Variants in PDE11A observed in about 807,000 individuals in gnomAD.
The protein encoded by PDE11A is phosphodiesterase 11A, also known as dual 3',5'-cyclic-AMP and -GMP phosphodiesterase 11A.
In PDE11A, 100 loss-of-function variants were observed where a neutral mutation model predicts 100.5. The ratio of observed to expected loss-of-function variants is 1.00; its 90% CI spans 0.85 to 1.18. The LOEUF (loss-of-function observed/expected upper bound fraction) is 1.18, where lower values mean the gene tolerates loss of function less well. Ranked by LOEUF, PDE11A falls within the 50% of genes most tolerant of loss-of-function variation. The probability of loss-of-function intolerance (pLI) is 0.00; values close to 1 mark genes in which losing one functional copy is unlikely to be tolerated. For missense variants in PDE11A, 1,141 were observed against 1,152.6 expected, an observed-to-expected ratio of 0.99 and a Z score of 0.15; for synonymous variants, 381 against 420.8, an observed-to-expected ratio of 0.91 and a Z score of 1.16.
chr2:177,727,387 C>G (rs1283087191), intron 12 of PDE11A, among the ~76,000 whole-genome samples: 1 of 152,122 alleles, frequency 6.6e-6, no homozygotes, highest in Non-Finnish European at 1.5e-5. Context: ...CTGAGCATTT[C>G]TTTTGTAAAA....
At chr2:177,902,700 G>A (rs915242478) in intron 3 of PDE11A, among the ~76,000 whole-genome samples, 6 of 152,036 alleles carry the variant, frequency 3.9e-5, no homozygotes, top group African/African-American at 9.7e-5. Flanking sequence ...TTAATCTCCA[G>A]TCCTGACATC....
chr2:177,712,158 A>C (rs556413363), intron 12 of PDE11A, among the ~76,000 whole-genome samples: 17 of 152,312 alleles, frequency 1.1e-4, no homozygotes, highest in Admixed American at 5.9e-4. Context: ...GACTATCCAG[A>C]GACAGTGACA....
At chr2:178,011,794 T>G (rs1328982562) in intron 2 of PDE11A, 3 of 152,124 alleles carry the variant, frequency 2.0e-5, no homozygotes, top group Admixed American at 6.5e-5. Context: ...TGAGTAAGTG[T>G]TACTATCACC....
At chr2:177,822,492 C>T (rs547529841) in intron 6 of PDE11A, among the ~76,000 whole-genome samples, 1 of 152,114 alleles carries the variant, frequency 6.6e-6, no homozygotes, top group African/African-American at 2.4e-5. Flanking sequence ...TTAAATAATA[C>T]AGTTGTATGA....
At chr2:178,068,230 T>TG (rs200049452) in intron 1 of PDE11A, among the ~76,000 whole-genome samples, 66 of 150,882 alleles carry the variant, frequency 4.4e-4, no homozygotes, top group East Asian at 1.2e-3. Context: ...TAAAAATGAA[T>TG]GTTTTTTTTT....
chr2:177,754,473 G>A (rs770983860), intron 10 of PDE11A, among the ~76,000 whole-genome samples: 3 of 152,140 alleles, frequency 2.0e-5, no homozygotes, highest in Non-Finnish European at 2.9e-5. Context: ...ACATACTTTG[G>A]TAGAATTTGT....
chr2:177,855,028 T>C (rs988975464), intron 5 of PDE11A, among the ~76,000 whole-genome samples: 3 of 152,100 alleles, frequency 2.0e-5, no homozygotes, highest in African/African-American at 4.8e-5. Flanking sequence ...GATGGTGCTG[T>C]TTTAATTTTT....
chr2:178,072,037 T>C lies in PDE11A; in HGVS notation c.401A>G (p.Asn134Ser). The C allele has an allele frequency of 6.2e-7, 1 of 1,613,854 alleles. No homozygotes were observed. Among genetic ancestry groups the C allele is most frequent in the Non-Finnish European group, 8.5e-7 (1 of 1,179,762 alleles). ...SFARSKAIHV[N>S]RTYDEQVTSR... ...GGTCACCTGTTCATCGTAGGTCCTG[T>C]TCACGTGGATGGCCTTGGAGCGGGC... The change falls in exon 1 of 20, where the codon AAC becomes AGC. Residue 134 changes from asparagine to serine, a missense_variant. Transcript: ENST00000286063.
At chr2:177,863,756 A>G (rs1363794615) in intron 5 of PDE11A, among the ~76,000 whole-genome samples, 1 of 152,074 alleles carries the variant, frequency 6.6e-6, no homozygotes, top group African/African-American at 2.4e-5. Flanking sequence ...ATAGATTGGT[A>G]CAACTATTAT....
intron 9 of PDE11A, among the ~76,000 whole-genome samples, chr2:177,810,952 A>G (rs2082940797): frequency 6.6e-6 from 1 of 151,894 alleles, no homozygotes. Context: ...CCTTTTTCTT[A>G]CTCTCTGTCA....
At chr2:177,870,815 T>G (rs2084118303) in intron 5 of PDE11A, among the ~76,000 whole-genome samples, 1 of 152,178 alleles carries the variant, frequency 6.6e-6, no homozygotes, top group Non-Finnish European at 1.5e-5. Context: ...AAAAATAGTG[T>G]CATGTTGTTT....
At chr2:177,919,451 T>C (rs1352876572) in intron 2 of PDE11A, among the ~76,000 whole-genome samples, 3 of 152,152 alleles carry the variant, frequency 2.0e-5, no homozygotes, top group Admixed American at 6.5e-5. Flanking sequence ...TTTAGCCAAA[T>C]ATTGAAAAAT....
intron 5 of PDE11A, among the ~76,000 whole-genome samples, chr2:177,869,823 G>A (rs751646034): frequency 1.3e-5 from 2 of 152,158 alleles, no homozygotes; most frequent in Admixed American, 1.3e-4. Flanking sequence ...TATGTTCTCA[G>A]TGTTAATTGT....
chr2:177,959,061 A>G (rs1238945298), intron 2 of PDE11A, among the ~76,000 whole-genome samples: 1 of 152,210 alleles, frequency 6.6e-6, no homozygotes, highest in African/African-American at 2.4e-5. Flanking sequence ...TGCTATAAGA[A>G]AAGAGTAACT....
chr2:177,956,133 T>G (rs2085558903), intron 2 of PDE11A, among the ~76,000 whole-genome samples: 1 of 151,886 alleles, frequency 6.6e-6, no homozygotes, highest in Non-Finnish European at 1.5e-5. Context: ...ACCTACAGAA[T>G]GGGAGAAAAT....
chr2:177,923,620 T>C (rs537251087), intron 2 of PDE11A, among the ~76,000 whole-genome samples: 1 of 152,278 alleles, frequency 6.6e-6, no homozygotes, highest in South Asian at 2.1e-4. Context: ...TGATTGAGCT[T>C]TGAGTAGAGC....
At chr2:177,728,917 GA>G (rs2081642133) in intron 10 of PDE11A, among the ~76,000 whole-genome samples, 1 of 151,832 alleles carries the variant, frequency 6.6e-6, no homozygotes. Flanking sequence ...CTAAAGAGGA[GA>G]AAAAAAATCT....
At chr2:177,867,036 A>G (rs918679739) in intron 5 of PDE11A, among the ~76,000 whole-genome samples, 3 of 152,348 alleles carry the variant, frequency 2.0e-5, no homozygotes, top group Admixed American at 1.3e-4. Context: ...ATATAGGTGC[A>G]TAGTAAAGGT....
intron 2 of PDE11A, among the ~76,000 whole-genome samples, chr2:178,003,528 G>T (rs1033723894): frequency 2.6e-5 from 4 of 152,022 alleles, no homozygotes; most frequent in Admixed American, 6.6e-5. Context: ...AAGGTAGACT[G>T]GTAGACTAGA....
Sources: allele counts gnomAD v4.1 joint callset (sites outside exome capture counted in the v4.1 genomes callset), GRCh38; gene constraint gnomAD v4.1.1; transcripts MANE v1.5; gene names NCBI Gene and HGNC (gene_info 2026-07-23, HGNC 2026-07-21).